The following TENM3 variants were observed in gnomAD, a reference collection of about 807,000 sequenced individuals.
TENM3 encodes the protein teneurin-3.
In TENM3, 63 loss-of-function variants were observed where a neutral mutation model predicts 255.1. That is an observed-to-expected ratio of 0.25 (90% CI 0.20 to 0.30). The LOEUF is 0.30. TENM3 is among the 10% of genes least tolerant of loss of function. The pLI, the probability that TENM3 is intolerant of heterozygous loss-of-function variation, is 1.00. For missense variants in TENM3, 2,929 were observed against 3,461.1 expected (o/e 0.85, Z 3.86); for synonymous variants, 1,306 against 1,322.3 (o/e 0.99, Z 0.27).
At chr4:182,073,278 G>T in the TENM3 span, among the ~76,000 whole-genome samples, 4 of 152,164 alleles carry the variant, frequency 2.6e-5, no homozygotes, top group Non-Finnish European at 1.5e-5. Context: ...AGAACAGCAT[G>T]GGGGAAACCA....
chr4:182,578,930 A>C (rs113597242), intron 3 of TENM3, among the ~76,000 whole-genome samples: 21 of 152,292 alleles, frequency 1.4e-4, no homozygotes, highest in African/African-American at 4.6e-4. Context: ...CTACACTTTA[A>C]GCCTTCGAAA....
Position 182,754,701 on chromosome 4 carries a change from C to T in TENM3, c.4334C>T (p.Pro1445Leu), listed in dbSNP as rs1762605894. The T allele has an allele frequency of 1.9e-6, 3 of 1,614,036 alleles. No homozygotes were observed. Among genetic ancestry groups the T allele is most frequent in the Non-Finnish European group, 2.5e-6 (3 of 1,179,904 alleles). ...DGEISLVAGI[P>L]SECDCKNDAN... ...GAAATCTCCTTAGTGGCCGGAATAC[C>T]TTCAGAGTGTGACTGCAAAAATGAT... Residue 1445 changes from proline to leucine, a missense_variant, in exon 22 of 28, where the codon CCT (proline) becomes CTT (leucine). Around this residue, in one of 6 missense-constraint regions of TENM3, gnomAD observed 1,608 missense variants for 1,884.4 expected, o/e 0.85. Coordinates refer to ENST00000511685, the MANE Select transcript of TENM3 (RefSeq NM_001080477.4). This position sits in a 1 kb window ranked among gnomAD's most constrained non-coding sequence, Gnocchi z 5.1.
At chr4:182,787,339 G>A (rs926782031) in intron 24 of TENM3, among the ~76,000 whole-genome samples, 18 of 152,194 alleles carry the variant, frequency 1.2e-4, no homozygotes, top group African/African-American at 4.3e-4. Context: ...TCAGGCTTCG[G>A]ACTCTTGGGT....
intron 1 of TENM3, 58 bp from the exon 2 acceptor site, chr4:182,323,888 G>A: frequency 1.4e-6 from 1 of 692,992 alleles, no homozygotes; most frequent in Non-Finnish European, 2.5e-6. Flanking sequence ...AGGGTAGAGA[G>A]TAGCCAGTTT....
chr4:182,540,650 G>A (rs773913749), intron 3 of TENM3, among the ~76,000 whole-genome samples: 14 of 152,130 alleles, frequency 9.2e-5, no homozygotes, highest in Non-Finnish European at 1.6e-4. Context: ...ACCAAGGATT[G>A]AGAAAACAGG....
the TENM3 span, among the ~76,000 whole-genome samples, chr4:181,846,181 A>G: frequency 6.6e-6 from 1 of 152,142 alleles, no homozygotes; most frequent in Non-Finnish European, 1.5e-5. Flanking sequence ...AGAACTGCTT[A>G]TTGTCTAAAA....
the TENM3 span, among the ~76,000 whole-genome samples, chr4:181,563,287 C>T: frequency 2.0e-5 from 3 of 152,162 alleles, no homozygotes; most frequent in East Asian, 1.9e-4. Context: ...CACCATTTCT[C>T]GGCTTGTAGA....
the TENM3 span, among the ~76,000 whole-genome samples, chr4:181,658,783 A>G: frequency 6.6e-6 from 1 of 152,342 alleles, no homozygotes; most frequent in East Asian, 1.9e-4. Flanking sequence ...CAACAAACAA[A>G]CAAGCAAAAC....
the TENM3 span, among the ~76,000 whole-genome samples, chr4:181,779,109 TG>T: frequency 9.9e-5 from 15 of 152,054 alleles, no homozygotes; most frequent in South Asian, 2.1e-4. Flanking sequence ...TACCTGGTGA[TG>T]GGCCATCTGG....
At chr4:182,273,941 T>C (rs570049567) in intron 1 of TENM3, among the ~76,000 whole-genome samples, 6 of 152,366 alleles carry the variant, frequency 3.9e-5, no homozygotes, top group Non-Finnish European at 7.3e-5. Flanking sequence ...CTCCTATTAA[T>C]GCTTTAAATA....
intron 1 of TENM3, among the ~76,000 whole-genome samples, chr4:182,267,295 A>T (rs566129179): frequency 6.6e-6 from 1 of 152,334 alleles, no homozygotes; most frequent in South Asian, 2.1e-4. Flanking sequence ...TTTAGGAACT[A>T]GTTGTCAGTA....
At chr4:182,195,409 T>C (rs1158660227) in intron 1 of TENM3, among the ~76,000 whole-genome samples, 2 of 151,990 alleles carry the variant, frequency 1.3e-5, no homozygotes, top group Admixed American at 1.3e-4. Context: ...GAGGCCAAAG[T>C]GGGAGGATCT....
the TENM3 span, among the ~76,000 whole-genome samples, chr4:181,582,436 G>A: frequency 1.3e-5 from 2 of 152,198 alleles, no homozygotes; most frequent in African/African-American, 4.8e-5. Flanking sequence ...AGGTGCAGTT[G>A]GGCTGAGTTA....
At chr4:182,346,584 A>G in intron 2 of TENM3, 67 bp from the exon 3 acceptor site, 2 of 1,392,914 alleles carry the variant, frequency 1.4e-6, no homozygotes, top group Non-Finnish European at 9.7e-7. Flanking sequence ...TTAAAAAAAA[A>G]AAAAAGAAAA....
At chr4:181,636,855 T>C in the TENM3 span, among the ~76,000 whole-genome samples, 1 of 152,140 alleles carries the variant, frequency 6.6e-6, no homozygotes, top group African/African-American at 2.4e-5. Flanking sequence ...CACCCTTCGA[T>C]TAAAAACCAA....
At chr4:181,901,389 G>T in the TENM3 span, among the ~76,000 whole-genome samples, 5 of 152,082 alleles carry the variant, frequency 3.3e-5, no homozygotes, top group African/African-American at 1.2e-4. Context: ...TGTCCTATGG[G>T]GCTACCCAGA....
the TENM3 span, among the ~76,000 whole-genome samples, chr4:181,548,964 G>C: frequency 6.6e-6 from 1 of 152,146 alleles, no homozygotes; most frequent in African/African-American, 2.4e-5. Flanking sequence ...CCCAAAGGAG[G>C]ATGGGTAATC....
chr4:182,477,596 G>A (rs897335528), intron 3 of TENM3, among the ~76,000 whole-genome samples: 9 of 152,130 alleles, frequency 5.9e-5, no homozygotes, highest in Non-Finnish European at 1.2e-4. Flanking sequence ...ATGTCTTTTC[G>A]TTCTTTATTT....
the TENM3 span, among the ~76,000 whole-genome samples, chr4:181,766,743 A>T: frequency 2.0e-5 from 3 of 151,502 alleles, no homozygotes; most frequent in African/African-American, 7.2e-5. Flanking sequence ...GACATAAAGT[A>T]TGTAGGCGTT....
Sources: gnomAD v4.1 joint callset for allele counts (sites outside exome capture counted in the v4.1 genomes callset) on GRCh38, gnomAD v4.1.1 for gene constraint, gnomAD v4.1.1 regional missense constraint, Gnocchi (gnomAD v3.1) non-coding constraint, MANE v1.5 for transcripts, NCBI Gene and HGNC (gene_info 2026-07-23, HGNC 2026-07-21) for gene names.